TOM1L1: variants seen among roughly 807,000 people sequenced by gnomAD.
TOM1L1 encodes target of myb1 like 1 membrane trafficking protein.
TOM1L1 carries 64 observed loss-of-function variants against 63.4 expected under a neutral mutation model. That is an observed-to-expected ratio of 1.01 (90% CI 0.83 to 1.24). The LOEUF (loss-of-function observed/expected upper bound fraction) is 1.24, where lower values mean the gene tolerates loss of function less well. Ranked by LOEUF, TOM1L1 falls within the 50% of genes most tolerant of loss-of-function variation. TOM1L1 has a pLI of 0.00. For synonymous variants in TOM1L1, 166 were observed against 194.4 expected (o/e 0.85, Z 1.22); for missense variants, 536 against 567.0 (o/e 0.95, Z 0.55).
chr17:54,945,532 G>GT (rs2049103861), intron 11 of TOM1L1, among the ~76,000 whole-genome samples: 1 of 152,140 alleles, frequency 6.6e-6, no homozygotes, highest in Non-Finnish European at 1.5e-5. Context: ...TCTCATAGGT[G>GT]TTTGGGGTCC....
chr17:54,902,679 TG>T (rs1278962989), intron 1 of TOM1L1, among the ~76,000 whole-genome samples: 1 of 152,378 alleles, frequency 6.6e-6, no homozygotes, highest in East Asian at 1.9e-4. Flanking sequence ...CTATCTTTTT[TG>T]TTTTTTTCTC....
chr17:54,924,653 G>A (rs2048739615), intron 7 of TOM1L1, among the ~76,000 whole-genome samples: 1 of 152,160 alleles, frequency 6.6e-6, no homozygotes, highest in South Asian at 2.1e-4. Flanking sequence ...GTCGTCAGCT[G>A]TCTTTGCCTA....
intron 7 of TOM1L1, 54 bp downstream of exon 7, chr17:54,915,916 T>A: frequency 7.2e-7 from 1 of 1,396,486 alleles, no homozygotes; most frequent in Non-Finnish European, 1.0e-6. Flanking sequence ...AGTTATTCTC[T>A]AAACTTTGAG....
intron 7 of TOM1L1, among the ~76,000 whole-genome samples, chr17:54,924,975 G>C (rs2048744524): frequency 6.6e-6 from 1 of 152,052 alleles, no homozygotes; most frequent in Non-Finnish European, 1.5e-5. Flanking sequence ...TCTTCTAGAG[G>C]CTATTCTCGA....
At chr17:54,959,169 C>T (rs1234973095) in intron 14 of TOM1L1, 3 of 152,112 alleles carry the variant, frequency 2.0e-5, no homozygotes, top group African/African-American at 4.8e-5. Flanking sequence ...ATTGTAGCAC[C>T]ATTCTGGGGC....
Position 54,913,778 on chromosome 17 carries a change from G to C in TOM1L1, c.403G>C (p.Asp135His), listed in dbSNP as rs769110292. The C allele has an allele frequency of 3.7e-6, 6 of 1,611,872 alleles. No individual in the cohort carries two copies. In the Admixed American group the frequency reaches 5.0e-5, roughly 13 times the overall value. ...TWSQGFPGGV[D>H]VSEVKEVYLD... is the part of the protein sequence containing the mutation. ...GTCACAGGGCTTCCCAGGAGGTGTGGATGTAAGCGAAGTCAAAGAAGTATA... is the reference window on the plus strand; with the variant it reads ...GTCACAGGGCTTCCCAGGAGGTGTGCATGTAAGCGAAGTCAAAGAAGTATA... The change falls in exon 5 of 16, where the codon GAT (aspartate) becomes CAT (histidine). Residue 135 changes from aspartate to histidine, a missense_variant. Transcript: ENST00000575882.
intron 7 of TOM1L1, among the ~76,000 whole-genome samples, chr17:54,919,740 T>C (rs1025110870): frequency 6.6e-6 from 1 of 152,208 alleles, no homozygotes; most frequent in African/African-American, 2.4e-5. Context: ...TGTATACTTT[T>C]TGTTAGTGAC....
Position 54,961,839 on chromosome 17 carries a change from C to T in TOM1L1, c.*606C>T. 3 of 980,924 alleles carry T rather than the reference C, an allele frequency of 3.1e-6. No individual in the cohort carries two copies. Among genetic ancestry groups the T allele is most frequent in the Non-Finnish European group, 3.6e-6 (3 of 825,678 alleles). 60.8% of individuals were successfully genotyped at this position (980,924 alleles called of 1,614,324 possible). On this transcript the variant is annotated 3_prime_UTR_variant, in exon 16 of 16. Transcript: ENST00000575882. ...CCTTTAAATATGATTCTTTGTAATG[C>T]TAAATAGCCTTTTTTTCTCTTTTTA...
chr17:54,953,307 G>T (rs34632315), intron 14 of TOM1L1: 44,760 of 152,248 alleles, frequency 0.29, 6,918 homozygotes, highest in African/African-American at 0.35. Context: ...AGTTGGAGGC[G>T]GCAGTGCGCC....
intron 1 of TOM1L1, chr17:54,901,288 T>G: frequency 3.3e-6 from 1 of 305,262 alleles, no homozygotes; most frequent in East Asian, 6.8e-5. Context: ...CAGGGCACGG[T>G]ATTGTTATGC....
Position 54,936,659 on chromosome 17 carries a change from A to G in TOM1L1, c.865A>G (p.Asn289Asp). The G allele has an allele frequency of 1.2e-6, 2 of 1,605,974 alleles. No homozygotes were observed. The highest frequency in any genetic ancestry group is 1.7e-6 in the Non-Finnish European group (2 of 1,177,962). ...TGATCATTTAAACAGGTTTACTAGA[A>G]ACCAACAAAGGATTTTGGAGCAAAA... ...AILGYERFTRNQQRILEQNKN... is the reference protein window; with the variant it reads ...AILGYERFTRDQQRILEQNKN... Residue 289 changes from asparagine to aspartate, a missense_variant, in exon 9 of 16, where the codon AAC (asparagine) becomes GAC (aspartate). Coordinates refer to ENST00000575882, the MANE Select transcript of TOM1L1 (RefSeq NM_005486.3).
At chr17:54,905,141 T>C (rs2048389357) in intron 2 of TOM1L1, among the ~76,000 whole-genome samples, 1 of 152,212 alleles carries the variant, frequency 6.6e-6, no homozygotes, top group Non-Finnish European at 1.5e-5. Flanking sequence ...ATAAAAATGG[T>C]AACATTCATT....
intron 14 of TOM1L1, among the ~76,000 whole-genome samples, chr17:54,958,667 C>T (rs2111096): frequency 0.51 from 76,004 of 148,242 alleles, 19,899 homozygotes; most frequent in Non-Finnish European, 0.56. Context: ...GAGGTAGAGG[C>T]TGCAGTGAGC....
chr17:54,949,952 T>C (rs1785829798), intron 13 of TOM1L1, 93 bp from the exon 14 acceptor site: 1 of 1,002,700 alleles, frequency 1.0e-6, no homozygotes. Context: ...TATTAGGATC[T>C]AATATTTGAA....
chr17:54,937,047 G>C (rs2048959210), intron 9 of TOM1L1, 62 bp from the exon 10 acceptor site: 1 of 1,358,916 alleles, frequency 7.4e-7, no homozygotes. Flanking sequence ...AAAGGAGAAA[G>C]TATGGGGAGA....
At position 54,950,035 on chromosome 17, in the gene TOM1L1, T is replaced by G; in HGVS notation, c.1289-10T>G. The G allele has an allele frequency of 1.2e-6, 2 of 1,611,832 alleles. No homozygotes were observed. The highest frequency in any genetic ancestry group is 8.5e-7 in the Non-Finnish European group (1 of 1,178,924). On this transcript the variant is annotated splice_polypyrimidine_tract_variant and intron_variant, in intron 13 of 15. Coordinates refer to ENST00000575882, the MANE Select transcript of TOM1L1 (RefSeq NM_005486.3). ...ACAATATGTTTACTGGTCTCTTTTT[T>G]TGCCCAAAGCGATGACAAAAAGTGA...
intron 3 of TOM1L1, among the ~76,000 whole-genome samples, chr17:54,909,759 C>T (rs190656498): frequency 6.6e-6 from 1 of 152,328 alleles, no homozygotes; most frequent in East Asian, 1.9e-4. Context: ...GAGTCACCCA[C>T]TTCAGTCTTT....
At chr17:54,908,807 G>T (rs1216863017) in intron 3 of TOM1L1, among the ~76,000 whole-genome samples, 1 of 152,190 alleles carries the variant, frequency 6.6e-6, no homozygotes, top group Non-Finnish European at 1.5e-5. Context: ...AATGGAAAGT[G>T]GTCGAACAGG....
intron 11 of TOM1L1, among the ~76,000 whole-genome samples, chr17:54,944,412 T>C (rs2049083892): frequency 1.3e-5 from 2 of 149,762 alleles, no homozygotes; most frequent in South Asian, 4.2e-4. Flanking sequence ...ATCGTGCCAC[T>C]GCACTCCAGC....
Sources: allele counts gnomAD v4.1 joint callset (sites outside exome capture counted in the v4.1 genomes callset), GRCh38; gene constraint gnomAD v4.1.1; transcripts MANE v1.5; gene names NCBI Gene and HGNC (gene_info 2026-07-23, HGNC 2026-07-21).